Variants in WSB2 observed in about 807,000 individuals in gnomAD.
WSB2 encodes the protein WD repeat and SOCS box containing 2, also known as WD repeat and SOCS box-containing protein 2.
A neutral mutation model predicts 48.8 loss-of-function variants in WSB2; 12 were observed. The observed-to-expected ratio is 0.25, with a 90% CI of 0.16 to 0.40. The LOEUF (loss-of-function observed/expected upper bound fraction) is 0.40. Ranked by LOEUF, WSB2 falls within the 10% of genes least tolerant of loss-of-function variation. The pLI, the probability that WSB2 is intolerant of heterozygous loss-of-function variation, is 1.00. For missense variants in WSB2, 317 were observed against 506.2 expected, an observed-to-expected ratio of 0.63 and a Z score of 3.59; for synonymous variants, 191 against 203.1, an observed-to-expected ratio of 0.94 and a Z score of 0.51.
chr12:118,037,528 C>CGTG (rs1196045024), intron 5 of WSB2, among the ~76,000 whole-genome samples: 3 of 151,924 alleles, frequency 2.0e-5, no homozygotes, highest in Non-Finnish European at 4.4e-5. Flanking sequence ...ATTAGCCAGG[C>CGTG]GTGGTGTAGC....
chr12:118,061,782 C>A (rs1436282810), upstream of WSB2, among the ~76,000 whole-genome samples: 2 of 67,232 alleles, frequency 3.0e-5, no homozygotes, highest in Non-Finnish European at 5.7e-5. Flanking sequence ...AAAATGGGGG[C>A]GGGAGAAATA....
chr12:118,052,196 A>G (rs995280583), intron 2 of WSB2, 114 bp downstream of exon 2: 9 of 1,401,014 alleles, frequency 6.4e-6, no homozygotes, highest in Non-Finnish European at 7.7e-6. Context: ...CCCATGATCA[A>G]TTCCTGAACC....
At position 118,061,087 on chromosome 12, in the gene WSB2, C is replaced by G; in HGVS notation, c.-39G>C. 1 of 981,730 alleles carries G rather than the reference C, an allele frequency of 1.0e-6. No homozygotes were observed. Among genetic ancestry groups the G allele is most frequent in the South Asian group, 4.5e-5 (1 of 22,066 alleles). The allele number at this position is 981,730 out of a possible 1,614,324, so 60.8% of individuals were successfully genotyped here. Reference sequence around the variant, plus strand: ...GGCCCCCGCGGCAGGCGGCGGGCGCCTCAGCCCCCCGGGCCGCGGGCCCTC... The same window carrying G: ...GGCCCCCGCGGCAGGCGGCGGGCGCGTCAGCCCCCCGGGCCGCGGGCCCTC... On this transcript the variant is annotated 5_prime_UTR_variant, in exon 1 of 9. Coordinates refer to ENST00000315436, the MANE Select transcript of WSB2 (RefSeq NM_018639.5).
At chr12:118,057,494 C>T (rs1242106287) in intron 1 of WSB2, among the ~76,000 whole-genome samples, 1 of 152,034 alleles carries the variant, frequency 6.6e-6, no homozygotes, top group African/African-American at 2.4e-5. Flanking sequence ...AGGCTGGTCT[C>T]GAACTCCTGA....
chr12:118,034,097 T>A lies in WSB2; in HGVS notation c.*99A>T. The A allele has an allele frequency of 2.0e-6, 3 of 1,475,600 alleles. No homozygotes were observed. The highest frequency in any genetic ancestry group is 2.8e-6 in the Non-Finnish European group (3 of 1,069,414). 91.4% of individuals were successfully genotyped at this position (1,475,600 alleles called of 1,614,324 possible). ...TCTATTCACAATCCCAAAGAAATGC[T>A]ATTTCAATGCAAGACCAGATGTTTG... On this transcript the variant is annotated 3_prime_UTR_variant, in exon 9 of 9. Coordinates refer to ENST00000315436, the MANE Select transcript of WSB2 (RefSeq NM_018639.5).
upstream of WSB2, chr12:118,061,319 G>A (rs1005559842): frequency 4.0e-6 from 2 of 505,264 alleles, no homozygotes; most frequent in African/African-American, 2.1e-5. Flanking sequence ...GTACGCTGAC[G>A]GGATAAAAGC....
At chr12:118,034,594 G>A (rs77268631) in intron 8 of WSB2, 81 of 408,770 alleles carry the variant, frequency 2.0e-4, no homozygotes, top group African/African-American at 1.5e-3. Context: ...TCTCTCTCTC[G>A]GCACAGCCCT....
intron 1 of WSB2, chr12:118,052,740 T>G: frequency 1.9e-6 from 1 of 523,370 alleles, no homozygotes; most frequent in Non-Finnish European, 3.4e-6. Context: ...GAGGCCTCAT[T>G]TTCCTATGAA....
rs375373131 is a variant in WSB2, at chr12:118,056,793, C to T, written c.13+4243G>A. 1.7e-3 allele frequency among the ~76,000 whole-genome samples: 261 copies of T among 151,940 alleles called. 11 individuals are homozygous for T. The South Asian group carries it at 0.051, about 29-fold the overall frequency. On this transcript the variant is annotated intron_variant, in intron 1 of 8. Transcript: ENST00000315436. ...GCGGGCGCCTGTAGTCGCAGCTACT[C>T]GGGAGGCTGAGGCAGGAGAATCACT... is the stretch of plus-strand genomic sequence containing the variant.
chr12:118,041,196 A>G (rs545426887), intron 4 of WSB2, among the ~76,000 whole-genome samples: 1 of 152,292 alleles, frequency 6.6e-6, no homozygotes, highest in Admixed American at 6.5e-5. Flanking sequence ...CTAATCCCCA[A>G]TGTGATGGTA....
intron 2 of WSB2, among the ~76,000 whole-genome samples, chr12:118,048,285 G>A (rs1484456173): frequency 2.7e-5 from 4 of 150,462 alleles, no homozygotes; most frequent in Non-Finnish European, 5.9e-5. Flanking sequence ...TCAGAATACT[G>A]TTCTTCAAAA....
chr12:118,046,570 C>T (rs1179163123), intron 2 of WSB2, among the ~76,000 whole-genome samples: 2 of 152,094 alleles, frequency 1.3e-5, no homozygotes, highest in East Asian at 3.9e-4. Context: ...TGAATGTGAC[C>T]ATGAATGTCA....
At chr12:118,059,376 G>A (rs935679535) in intron 1 of WSB2, among the ~76,000 whole-genome samples, 2 of 151,988 alleles carry the variant, frequency 1.3e-5, no homozygotes, top group Admixed American at 1.3e-4. Flanking sequence ...TTAGACTTCT[G>A]TTGGTCGGGG....
In WSB2 at chr12:118,038,315, C is replaced by T; in HGVS notation, c.633G>A (p.Met211Ile). ...ACTTCTCTCCAGCTGCAGAGCACAG[C>T]ATGCTGCAGTCTGGGGAGATGGAAC... The part of the protein sequence containing the change: ...YCCSISPDCS[M>I]LCSAAGEKSV... Residue 211 changes from methionine to isoleucine, a missense_variant, in exon 5 of 9, where the codon ATG becomes ATA. Transcript: ENST00000315436. 1 of 1,614,114 alleles carries T rather than the reference C, an allele frequency of 6.2e-7. No individual in the cohort carries two copies. The highest frequency in any genetic ancestry group is 8.5e-7 in the Non-Finnish European group (1 of 1,180,014).
chr12:118,041,197 T>C (rs2031629483), intron 4 of WSB2, among the ~76,000 whole-genome samples: 1 of 152,078 alleles, frequency 6.6e-6, no homozygotes, highest in Non-Finnish European at 1.5e-5. Flanking sequence ...TAATCCCCAA[T>C]GTGATGGTAT....
Position 118,038,217 on chromosome 12 carries a change from TCACA to T in WSB2, c.660+67_660+70del, listed in dbSNP as rs899329264. 81 of 1,445,246 alleles carry T rather than the reference TCACA, an allele frequency of 5.6e-5. No homozygotes were observed. The African/African-American group carries it at 1.0e-3, about 19-fold the overall frequency. 89.5% of individuals were successfully genotyped at this position (1,445,246 alleles called of 1,614,324 possible). On this transcript the variant is annotated intron_variant, in intron 5 of 8. Coordinates refer to ENST00000315436, the MANE Select transcript of WSB2 (RefSeq NM_018639.5). ...GATTTGCGGACGATTTTGAGAACAC[TCACA>T]CACACCAGGCCACCACTTCAGACCT... is the stretch of plus-strand genomic sequence containing the variant.
intron 4 of WSB2, among the ~76,000 whole-genome samples, chr12:118,039,653 T>C (rs2031585912): frequency 6.6e-6 from 1 of 152,074 alleles, no homozygotes; most frequent in Non-Finnish European, 1.5e-5. Flanking sequence ...GAAGAAAAAA[T>C]AATTGTTATA....
chr12:118,061,024 G>A lies in WSB2; in HGVS notation c.13+12C>T. 2.0e-6 allele frequency: 2 copies of A among 978,720 alleles called. No homozygotes were observed. The highest frequency in any genetic ancestry group is 2.4e-6 in the Non-Finnish European group (2 of 827,128). 60.6% of individuals were successfully genotyped at this position (978,720 alleles called of 1,614,324 possible). A position where few individuals can be genotyped will look rare whatever the true frequency, so the allele number is the denominator to read the frequency against. On this transcript the variant is annotated intron_variant, in intron 1 of 8. Coordinates refer to ENST00000315436, the MANE Select transcript of WSB2 (RefSeq NM_018639.5). ...CCGCCGGGCGGGAACGGGCGCGCCC[G>A]GCCCCACTCACCTCCGGCCTCCATG...
At chr12:118,041,409 C>G (rs2137774019) in intron 4 of WSB2, among the ~76,000 whole-genome samples, 1 of 152,322 alleles carries the variant, frequency 6.6e-6, no homozygotes, top group South Asian at 2.1e-4. Flanking sequence ...ACTCCCCAAC[C>G]TTCAGAACTG....
Sources: allele counts gnomAD v4.1 joint callset (sites outside exome capture counted in the v4.1 genomes callset), GRCh38; gene constraint gnomAD v4.1.1; transcripts MANE v1.5; gene names NCBI Gene and HGNC (gene_info 2026-07-23, HGNC 2026-07-21).